ADCY8: variants seen among roughly 807,000 people sequenced by gnomAD.
ADCY8 encodes adenylate cyclase 8.
ADCY8 carries 51 observed loss-of-function variants against 119.7 expected under a neutral mutation model. The observed-to-expected ratio is 0.43, with a 90% confidence interval of 0.34 to 0.54. The LOEUF is 0.54. Among genes scored for constraint, ADCY8 ranks in the 20% least tolerant of loss-of-function variants. The pLI is 0.03. For synonymous variants in ADCY8, 665 were observed against 651.0 expected, an observed-to-expected ratio of 1.02 and a Z score of -0.33; for missense variants, 1,383 against 1,598.8, an observed-to-expected ratio of 0.87 and a Z score of 2.30.
intron 17 of ADCY8, among the ~76,000 whole-genome samples, chr8:130,781,382 T>C (rs1480818331): frequency 6.6e-6 from 1 of 152,136 alleles, no homozygotes; most frequent in Non-Finnish European, 1.5e-5. Flanking sequence ...CCTCCCTGTC[T>C]CCTCCCTTGT....
chr8:130,941,491 A>G (rs1486241017), intron 4 of ADCY8, among the ~76,000 whole-genome samples: 1 of 152,132 alleles, frequency 6.6e-6, no homozygotes, highest in Admixed American at 6.5e-5. Flanking sequence ...TTGATAAAAA[A>G]TATCAGAACC....
chr8:130,945,019 T>A (rs73348507), intron 3 of ADCY8, among the ~76,000 whole-genome samples: 1 of 152,094 alleles, frequency 6.6e-6, no homozygotes, highest in African/African-American at 2.4e-5. Context: ...AAGTCTCAGC[T>A]GGTTCTTGAA....
intron 15 of ADCY8, among the ~76,000 whole-genome samples, chr8:130,794,784 C>A (rs939107220): frequency 6.6e-6 from 1 of 152,186 alleles, no homozygotes; most frequent in African/African-American, 2.4e-5. Flanking sequence ...TTAATCTCTG[C>A]ATTTAACTTA....
chr8:130,879,548 C>G (rs1818692079), intron 8 of ADCY8, among the ~76,000 whole-genome samples: 1 of 152,106 alleles, frequency 6.6e-6, no homozygotes, highest in Non-Finnish European at 1.5e-5. Flanking sequence ...TTCAAAATGA[C>G]TATTAAGTAT....
In ADCY8 at chr8:130,884,893, T is replaced by G. The variant is rs1261289321; in HGVS notation, c.1912-132A>C. On this transcript the variant is annotated intron_variant, in intron 7 of 17. Coordinates refer to ENST00000286355, the MANE Select transcript of ADCY8 (RefSeq NM_001115.3). ...CCATGCAGTTGTATTCAGTGAAACC[T>G]ACAGAAGTTGATCTGATAGCATTTG... 12 of 921,228 alleles carry G rather than the reference T, an allele frequency of 1.3e-5. No individual in the cohort carries two copies. The South Asian group carries it at 1.4e-4, about 11-fold the overall frequency. 57.1% of individuals were successfully genotyped at this position (921,228 alleles called of 1,614,324 possible). A position where few individuals can be genotyped will look rare whatever the true frequency, so the allele number is the denominator to read the frequency against.
At chr8:130,929,504 A>G (rs1268141311) in intron 5 of ADCY8, among the ~76,000 whole-genome samples, 3 of 152,152 alleles carry the variant, frequency 2.0e-5, no homozygotes, top group Non-Finnish European at 4.4e-5. Context: ...AATATACTTT[A>G]TATGATTTGA....
chr8:130,817,188 G>A (rs1224803235), intron 13 of ADCY8, among the ~76,000 whole-genome samples: 1 of 152,204 alleles, frequency 6.6e-6, no homozygotes, highest in Non-Finnish European at 1.5e-5. Context: ...CTGTGTTGGT[G>A]TCATTAAAAC....
At chr8:130,915,413 T>C (rs1414680075) in intron 5 of ADCY8, among the ~76,000 whole-genome samples, 1 of 152,170 alleles carries the variant, frequency 6.6e-6, no homozygotes, top group Non-Finnish European at 1.5e-5. Flanking sequence ...GGAATCCCAA[T>C]GCTGTAGGGG....
chr8:130,853,496 A>G (rs448852), intron 9 of ADCY8, among the ~76,000 whole-genome samples: 107,840 of 152,074 alleles, frequency 0.71, 39,080 homozygotes, highest in East Asian at 0.81. Context: ...CTCTTGACTT[A>G]AGCCACATTC....
intron 2 of ADCY8, among the ~76,000 whole-genome samples, chr8:130,969,475 T>C (rs1821860311): frequency 1.3e-5 from 2 of 152,344 alleles, no homozygotes; most frequent in Middle Eastern, 6.8e-3. Context: ...CTAATATACA[T>C]AGTATAGTTA....
At position 131,040,286 on chromosome 8, in the gene ADCY8, G is replaced by T; in HGVS notation, c.48C>A (p.Tyr16Ter). 2 of 1,561,336 alleles carry T rather than the reference G, an allele frequency of 1.3e-6. No individual in the cohort carries two copies. Among genetic ancestry groups the T allele is most frequent in the South Asian group, 1.2e-5 (1 of 86,392 alleles). The change falls in exon 1 of 18, where the codon TAC becomes TAA. Residue 16 changes from tyrosine (Y) to a stop codon, truncating the protein, a stop_gained. Transcript: ENST00000286355. LOFTEE classifies it high-confidence loss of function. ...VRCLTGSEELYTIHPTPPAGD... is the reference protein window; with the variant it reads ...VRCLTGSEEL ...CGGCCGGGGGCGTCGGGTGGATGGT[G>T]TAGAGTTCCTCGCTGCCTGTAAGGC...
chr8:131,019,843 G>C (rs201058873), intron 1 of ADCY8, among the ~76,000 whole-genome samples: 17,577 of 83,686 alleles, frequency 0.21, 1,811 homozygotes, highest in East Asian at 0.25. Flanking sequence ...CTCTCTGTCT[G>C]TCTCTCTCTC....
intron 9 of ADCY8, among the ~76,000 whole-genome samples, chr8:130,853,975 A>G (rs903217142): frequency 2.0e-5 from 3 of 152,190 alleles, no homozygotes; most frequent in Non-Finnish European, 4.4e-5. Context: ...AATTTAAAGA[A>G]ATGTTAGTTC....
chr8:130,919,303 G>A (rs771739297), intron 5 of ADCY8, among the ~76,000 whole-genome samples: 4 of 149,862 alleles, frequency 2.7e-5, no homozygotes, highest in African/African-American at 4.9e-5. Flanking sequence ...ACTCACACTC[G>A]CACACACACA....
At chr8:130,867,638 T>C (rs1030124455) in intron 9 of ADCY8, among the ~76,000 whole-genome samples, 3 of 152,186 alleles carry the variant, frequency 2.0e-5, no homozygotes, top group African/African-American at 7.2e-5. Flanking sequence ...TTATTAAGAT[T>C]GGGAAAAAGA....
intron 15 of ADCY8, among the ~76,000 whole-genome samples, chr8:130,795,672 G>A (rs1815558684): frequency 6.6e-6 from 1 of 152,176 alleles, no homozygotes; most frequent in Non-Finnish European, 1.5e-5. Flanking sequence ...AGACTCTCTT[G>A]TTTCAGGCAT....
At chr8:130,911,638 A>G (rs571897602) in intron 5 of ADCY8, among the ~76,000 whole-genome samples, 121 of 151,600 alleles carry the variant, frequency 8.0e-4, no homozygotes, top group Non-Finnish European at 1.4e-3. Flanking sequence ...AAATTAAAAT[A>G]TTTAAATTAA....
In ADCY8 at chr8:130,827,465, C is replaced by T. The variant is rs534444662; in HGVS notation, c.2676-6045G>A. 2.6e-5 allele frequency among the ~76,000 whole-genome samples: 4 copies of T among 152,282 alleles called. No individual in the cohort carries two copies. The East Asian group carries it at 5.8e-4, about 22-fold the overall frequency. On this transcript the variant is annotated intron_variant, in intron 12 of 17. Coordinates refer to ENST00000286355, the MANE Select transcript of ADCY8 (RefSeq NM_001115.3). ...GCTCTATGTAAACATCATACCTGAT[C>T]GAACCAATCTGTGAGCCTATGTAAA...
Position 130,995,444 on chromosome 8 carries a change from T to C in ADCY8, c.961-4902A>G, listed in dbSNP as rs552892572. ...GGTTTTTGTATATGTGCATGTAGTGTACCTATTATAATATAATACATTGTT... is the reference window on the plus strand; with the variant it reads ...GGTTTTTGTATATGTGCATGTAGTGCACCTATTATAATATAATACATTGTT... On this transcript the variant is annotated intron_variant, in intron 1 of 17. Coordinates refer to ENST00000286355, the MANE Select transcript of ADCY8 (RefSeq NM_001115.3). Among the ~76,000 whole-genome samples the C allele has an allele frequency of 1.5e-4, 23 of 152,322 alleles. No individual in the cohort carries two copies. The South Asian group carries it at 3.1e-3, about 21-fold the overall frequency.
Sources: gnomAD v4.1 joint callset for allele counts (sites outside exome capture counted in the v4.1 genomes callset) on GRCh38, gnomAD v4.1.1 for gene constraint, MANE v1.5 for transcripts, NCBI Gene and HGNC (gene_info 2026-07-23, HGNC 2026-07-21) for gene names.